LAMB1: variants seen among roughly 807,000 people sequenced by gnomAD.
LAMB1 encodes the protein laminin subunit beta 1, also known as laminin subunit beta-1.
Under a neutral mutation model 222.3 loss-of-function variants are expected in LAMB1, and 121 were observed. That is an observed-to-expected ratio of 0.54 (90% CI 0.47 to 0.63). The LOEUF (loss-of-function observed/expected upper bound fraction) is 0.63. Among genes scored for constraint, LAMB1 ranks in the 30% least tolerant of loss-of-function variants. The pLI is 0.00. For missense variants in LAMB1, 2,172 were observed against 2,240.8 expected (o/e 0.97, Z 0.62); for synonymous variants, 794 against 807.2 (o/e 0.98, Z 0.28).
chr7:107,974,893 G>T (rs2033820191), intron 12 of LAMB1, 93 bp downstream of exon 12: 1 of 747,022 alleles, frequency 1.3e-6, no homozygotes, highest in African/African-American at 1.7e-5. Context: ...ACACGTGAGG[G>T]TGATCGCAGA....
chr7:107,977,756 G>A (rs764412248), intron 9 of LAMB1, among the ~76,000 whole-genome samples: 4 of 151,720 alleles, frequency 2.6e-5, no homozygotes, highest in African/African-American at 9.7e-5. Flanking sequence ...CAGCCTAGGC[G>A]ACAAAAAAAA....
chr7:107,951,106 A>G, intron 24 of LAMB1, 120 bp downstream of exon 24: 1 of 681,308 alleles, frequency 1.5e-6, no homozygotes, highest in Non-Finnish European at 2.5e-6. Context: ...TTGCAATTAA[A>G]TACAGGTTCT....
At chr7:107,930,150 T>C (rs2032670045) in intron 29 of LAMB1, among the ~76,000 whole-genome samples, 1 of 152,036 alleles carries the variant, frequency 6.6e-6, no homozygotes, top group Admixed American at 6.6e-5. Context: ...CAGGAAATTA[T>C]AGAAAGGGAG....
chr7:107,955,354 T>C, intron 21 of LAMB1, 113 bp downstream of exon 21: 2 of 934,970 alleles, frequency 2.1e-6, no homozygotes, highest in Non-Finnish European at 3.0e-6. Context: ...TAATTAAAAA[T>C]TATAAAAGTA....
rs2034077514 is a variant in LAMB1 at position 107,986,358 on chromosome 7, G to A, written c.429C>T (p.Phe143=). 1.9e-6 allele frequency: 3 copies of A among 1,586,802 alleles called. No individual in the cohort carries two copies. The African/African-American group carries it at 4.0e-5, about 21-fold the overall frequency. Residue 143 remains phenylalanine, a synonymous_variant, in exon 6 of 34, where the codon TTC becomes TTT. Transcript: ENST00000222399. The stretch of plus-strand genomic sequence containing the variant: ...GTTCTATCAGCATAGCAGCTGGACG[G>A]AATGTCTAAAGGCAGGAGCAAAAAT... ...FTHLIMTFKT[F]RPAAMLIERS... is the part of the protein sequence containing the mutation.
At chr7:107,959,630 C>T in intron 19 of LAMB1, 61 bp downstream of exon 19, 2 of 1,613,988 alleles carry the variant, frequency 1.2e-6, no homozygotes, top group Non-Finnish European at 1.7e-6. Flanking sequence ...AGCAATGGAA[C>T]CCTGCCACAA....
chr7:107,985,058 C>T lies in LAMB1; in HGVS notation c.676+964G>A, dbSNP rs138945297. On this transcript the variant is annotated intron_variant, in intron 7 of 33. Transcript: ENST00000222399. The stretch of plus-strand genomic sequence containing the variant: ...TTGGGGAGACTCTTTGATACAAAAG[C>T]CCAATATATACCCTAATATACTGAG... 1.6e-3 allele frequency among the ~76,000 whole-genome samples: 237 copies of T among 152,124 alleles called. 2 individuals are homozygous for T. Among genetic ancestry groups the T allele is most frequent in the African/African-American group, 5.6e-3 (232 of 41,488 alleles).
intron 24 of LAMB1, among the ~76,000 whole-genome samples, chr7:107,942,932 G>A (rs1158974048): frequency 6.6e-6 from 1 of 152,184 alleles, no homozygotes; most frequent in African/African-American, 2.4e-5. Flanking sequence ...TTTAAAACAT[G>A]TAATTTCCTT....
chr7:107,980,922 TAA>T (rs2033960001), intron 7 of LAMB1, 111 bp from the exon 8 acceptor site: 1 of 642,964 alleles, frequency 1.6e-6, no homozygotes, highest in African/African-American at 1.8e-5. Context: ...GAAAATAGCT[TAA>T]GTTCCTCCTC....
At chr7:107,949,834 T>C (rs1420697887) in intron 24 of LAMB1, among the ~76,000 whole-genome samples, 1 of 152,212 alleles carries the variant, frequency 6.6e-6, no homozygotes, top group Non-Finnish European at 1.5e-5. Flanking sequence ...AGTTTCTAGG[T>C]TCCTGACCTT....
At chr7:107,926,051 C>T (rs915717114) in intron 32 of LAMB1, 132 bp downstream of exon 32, 3 of 673,492 alleles carry the variant, frequency 4.5e-6, no homozygotes, top group Middle Eastern at 4.3e-4. Context: ...ACGGCTGTTG[C>T]AAAACAGGTC....
chr7:107,927,085 T>TC, intron 31 of LAMB1, among the ~76,000 whole-genome samples: 1 of 152,312 alleles, frequency 6.6e-6, no homozygotes, highest in Non-Finnish European at 1.5e-5. Flanking sequence ...AAAATGATCT[T>TC]CAAGGATGGG....
chr7:107,996,847 T>G (rs1049692105), intron 4 of LAMB1, among the ~76,000 whole-genome samples: 2 of 152,246 alleles, frequency 1.3e-5, no homozygotes, highest in African/African-American at 2.4e-5. Context: ...CTTCAAACGG[T>G]CTTTCACTAG....
At chr7:107,949,077 G>C (rs1006251335) in intron 24 of LAMB1, among the ~76,000 whole-genome samples, 3 of 152,154 alleles carry the variant, frequency 2.0e-5, no homozygotes, top group Non-Finnish European at 4.4e-5. Context: ...CCTTTCTTCT[G>C]GATGAAAGGA....
chr7:107,930,659 TTAAAAAGA>T (rs2032685687), intron 29 of LAMB1, among the ~76,000 whole-genome samples: 1 of 152,226 alleles, frequency 6.6e-6, no homozygotes, highest in Admixed American at 6.5e-5. Flanking sequence ...TTCCTCCTTT[TTAAAAAGA>T]TGCAAGGAAT....
intron 28 of LAMB1, chr7:107,931,861 G>A (rs923980020): frequency 2.0e-6 from 1 of 497,494 alleles, no homozygotes; most frequent in African/African-American, 1.9e-5. Flanking sequence ...TAGAGTTTTT[G>A]TCATACAGCT....
At chr7:107,934,007 T>G (rs1195028176) in intron 27 of LAMB1, among the ~76,000 whole-genome samples, 1 of 151,934 alleles carries the variant, frequency 6.6e-6, no homozygotes, top group Non-Finnish European at 1.5e-5. Context: ...TTAACTACAA[T>G]ATGTAAGGAA....
At position 108,002,831 on chromosome 7, in the gene LAMB1, C is replaced by A. The variant is rs753697849; in HGVS notation, c.37+18G>T. 5.6e-6 allele frequency: 9 copies of A among 1,614,098 alleles called. No individual in the cohort carries two copies. Among genetic ancestry groups the A allele is most frequent in the Middle Eastern group, 1.6e-4 (1 of 6,062 alleles). ...GCCCAAGTCCGTCCGCCTCCCCGCACCGTTTCCACGGAATTACCTAAGAAA... is the reference window on the plus strand; with the variant it reads ...GCCCAAGTCCGTCCGCCTCCCCGCAACGTTTCCACGGAATTACCTAAGAAA... On this transcript the variant is annotated intron_variant, in intron 2 of 33. Transcript: ENST00000222399.
chr7:107,935,105 T>C (rs1330667303), intron 27 of LAMB1, among the ~76,000 whole-genome samples: 1 of 151,964 alleles, frequency 6.6e-6, no homozygotes, highest in African/African-American at 2.4e-5. Context: ...GGATCAAGTT[T>C]CAGTGCGGTG....
Sources: gnomAD v4.1 joint callset for allele counts (sites outside exome capture counted in the v4.1 genomes callset) on GRCh38, gnomAD v4.1.1 for gene constraint, MANE v1.5 for transcripts, NCBI Gene and HGNC (gene_info 2026-07-23, HGNC 2026-07-21) for gene names.